SCLT1: variants seen among roughly 807,000 people sequenced by gnomAD.
SCLT1 encodes sodium channel and clathrin linker 1.
SCLT1 carries 78 observed loss-of-function variants against 112.8 expected under a neutral mutation model. The observed-to-expected ratio is 0.69, with a 90% CI of 0.58 to 0.83. The LOEUF (loss-of-function observed/expected upper bound fraction) is 0.83, where lower values mean the gene tolerates loss of function less well. Ranked by LOEUF, SCLT1 falls within the 40% of genes least tolerant of loss-of-function variation. The pLI, the probability that SCLT1 is intolerant of heterozygous loss-of-function variation, is 0.00. For synonymous variants in SCLT1, 257 were observed against 254.7 expected (o/e 1.01, Z -0.09); for missense variants, 747 against 770.4 (o/e 0.97, Z 0.36).
At chr4:129,000,695 A>T (rs1376329459) in intron 6 of SCLT1, among the ~76,000 whole-genome samples, 1 of 151,944 alleles carries the variant, frequency 6.6e-6, no homozygotes, top group Admixed American at 6.6e-5. Flanking sequence ...ATACTGATAG[A>T]TATGTAACCC....
chr4:129,031,869 C>G (rs1045837626), intron 5 of SCLT1, among the ~76,000 whole-genome samples: 1 of 152,134 alleles, frequency 6.6e-6, no homozygotes, highest in Non-Finnish European at 1.5e-5. Flanking sequence ...TGAAAATGGT[C>G]ATATTGCCCA....
intron 5 of SCLT1, among the ~76,000 whole-genome samples, chr4:129,036,162 A>C (rs1353999614): frequency 6.6e-6 from 1 of 152,064 alleles, no homozygotes; most frequent in Admixed American, 6.6e-5. Flanking sequence ...TTCACTTTAA[A>C]ACCTGATTAA....
chr4:128,930,422 G>A (rs1736665787), intron 18 of SCLT1, among the ~76,000 whole-genome samples: 1 of 152,090 alleles, frequency 6.6e-6, no homozygotes, highest in South Asian at 2.1e-4. Flanking sequence ...ACCCAGATAA[G>A]CCACTTCCAA....
rs1202277382 is a variant in SCLT1 at position 128,878,740 on chromosome 4, T to C, written n.226-2104A>G. ...CACTCATTGAAGAAATCTGGAAACTTTCAAAAGAGGTATTAAGCTAATTAT... is the reference window on the plus strand; with the variant it reads ...CACTCATTGAAGAAATCTGGAAACTCTCAAAAGAGGTATTAAGCTAATTAT... On this transcript the variant is annotated intron_variant and non_coding_transcript_variant, in intron 3 of 7. Coordinates refer to the SCLT1 transcript ENST00000503565. 3.3e-5 allele frequency among the ~76,000 whole-genome samples: 5 copies of C among 152,300 alleles called. No individual in the cohort carries two copies. In the East Asian group the frequency reaches 9.6e-4, roughly 29 times the overall value.
chr4:128,902,962 G>A (rs1278864663), intron 18 of SCLT1, among the ~76,000 whole-genome samples: 1 of 151,992 alleles, frequency 6.6e-6, no homozygotes, highest in Non-Finnish European at 1.5e-5. Flanking sequence ...TTGTCCCACT[G>A]GAAGGTCTTC....
In SCLT1 at chr4:129,074,498, A is replaced by C. The variant is rs73847399; in HGVS notation, c.102+7808T>G. ...GCTAGTGAAACTTTTAGAAGAAAAA[A>C]CTCCATTACTTAATAACTCGAGCAG... On this transcript the variant is annotated intron_variant, in intron 2 of 20. Coordinates refer to ENST00000281142, the MANE Select transcript of SCLT1 (RefSeq NM_144643.4). 4.5e-3 allele frequency among the ~76,000 whole-genome samples: 685 copies of C among 152,090 alleles called. 4 individuals carry two copies. Among genetic ancestry groups the C allele is most frequent in the African/African-American group, 0.014 (583 of 41,500 alleles).
At chr4:128,991,217 G>A (rs1742537997) in intron 9 of SCLT1, among the ~76,000 whole-genome samples, 1 of 151,830 alleles carries the variant, frequency 6.6e-6, no homozygotes, top group South Asian at 2.1e-4. Flanking sequence ...AATGGTACTG[G>A]CATAAAAACA....
At chr4:129,004,025 A>C in intron 5 of SCLT1, 149 bp from the exon 6 acceptor site, 1 of 674,574 alleles carries the variant, frequency 1.5e-6, no homozygotes, top group Non-Finnish European at 2.5e-6. Flanking sequence ...AGAAGTGTTT[A>C]ATTACCATTA....
intron 17 of SCLT1, among the ~76,000 whole-genome samples, chr4:128,937,847 A>G (rs1007811871): frequency 6.6e-6 from 1 of 152,190 alleles, no homozygotes; most frequent in African/African-American, 2.4e-5. Context: ...GCTGGGGTTC[A>G]GGGAGAGAAT....
At chr4:129,051,594 G>T (rs997243804) in intron 2 of SCLT1, among the ~76,000 whole-genome samples, 3 of 152,226 alleles carry the variant, frequency 2.0e-5, no homozygotes, top group African/African-American at 7.2e-5. Flanking sequence ...AGACTTTGCT[G>T]AAGTTGCTTA....
intron 2 of SCLT1, among the ~76,000 whole-genome samples, chr4:129,049,788 A>C (rs1283754282): frequency 6.6e-6 from 1 of 151,886 alleles, no homozygotes; most frequent in Admixed American, 6.6e-5. Flanking sequence ...TTTGTTACAT[A>C]GGTATACATG....
chr4:128,957,213 T>C, intron 12 of SCLT1, 89 bp from the exon 13 acceptor site: 1 of 660,476 alleles, frequency 1.5e-6, no homozygotes, highest in Non-Finnish European at 2.5e-6. Context: ...GTCACTTCCT[T>C]ATTCAAAACT....
In SCLT1 at chr4:128,888,770, T is replaced by A; in HGVS notation, c.1913A>T (p.Glu638Val). Residue 638 changes from glutamate (E) to valine (V), a missense_variant, in exon 20 of 21, where the codon GAA (glutamate) becomes GTA (valine). Around this residue, in one of 2 missense-constraint regions of SCLT1, gnomAD observed 723 missense variants for 721.3 expected, o/e 1.00. Coordinates refer to ENST00000281142, the MANE Select transcript of SCLT1 (RefSeq NM_144643.4). ...TTCTTGATGCTCTAGAATTAGCTTT[T>A]CATTCTATTAAGGGGAAATAGAAAA... ...EMANEKVAENEKLILEHQEKA... is the reference protein window; with the variant it reads ...EMANEKVAENVKLILEHQEKA... 2 of 1,596,724 alleles carry A rather than the reference T, an allele frequency of 1.3e-6. No homozygotes were observed. The highest frequency in any genetic ancestry group is 4.5e-5 in the East Asian group (2 of 44,786).
At chr4:128,925,157 G>C (rs1736196419) in intron 18 of SCLT1, among the ~76,000 whole-genome samples, 1 of 152,114 alleles carries the variant, frequency 6.6e-6, no homozygotes, top group African/African-American at 2.4e-5. Context: ...TGCGTTGATT[G>C]CAACTTTATG....
chr4:129,017,061 T>C (rs1164922562), intron 5 of SCLT1, among the ~76,000 whole-genome samples: 1 of 152,242 alleles, frequency 6.6e-6, no homozygotes, highest in African/African-American at 2.4e-5. Context: ...TCATTTTAAG[T>C]AGTTTTTAAT....
At chr4:128,908,085 T>G (rs1414644022) in intron 18 of SCLT1, among the ~76,000 whole-genome samples, 4 of 152,196 alleles carry the variant, frequency 2.6e-5, no homozygotes, top group Admixed American at 2.6e-4. Context: ...GGAAAATTCC[T>G]TCAATGCATG....
chr4:128,986,866 G>A (rs1228973432), intron 9 of SCLT1, among the ~76,000 whole-genome samples: 2 of 152,110 alleles, frequency 1.3e-5, no homozygotes, highest in Non-Finnish European at 2.9e-5. Flanking sequence ...AGGGATTCGG[G>A]TGTGACTCTG....
intron 6 of SCLT1, among the ~76,000 whole-genome samples, chr4:129,001,398 T>C (rs946426643): frequency 6.6e-6 from 1 of 152,048 alleles, no homozygotes; most frequent in African/African-American, 2.4e-5. Flanking sequence ...GATTATGATG[T>C]ACACTATATA....
At chr4:129,093,037 G>C in intron 1 of SCLT1, 33 bp downstream of exon 1, 1 of 1,476,076 alleles carries the variant, frequency 6.8e-7, no homozygotes, top group Non-Finnish European at 9.5e-7. Context: ...ATTAAACATT[G>C]TATATGAAGT....
Sources: gnomAD v4.1 joint callset for allele counts (sites outside exome capture counted in the v4.1 genomes callset) on GRCh38, gnomAD v4.1.1 for gene constraint, gnomAD v4.1.1 regional missense constraint, MANE v1.5 for transcripts, NCBI Gene and HGNC (gene_info 2026-07-23, HGNC 2026-07-21) for gene names.